The following LUZP2 variants were observed in gnomAD, a reference collection of about 807,000 sequenced individuals.
LUZP2 encodes leucine zipper protein 2.
Under a neutral mutation model 51.6 loss-of-function variants are expected in LUZP2, and 52 were observed. That is an observed-to-expected ratio of 1.01 (90% CI 0.81 to 1.27). The LOEUF (loss-of-function observed/expected upper bound fraction) is 1.27, where lower values mean the gene tolerates loss of function less well. Among genes scored for constraint, LUZP2 ranks in the 50% most tolerant of loss-of-function variants. The pLI is 0.00. For synonymous variants in LUZP2, 154 were observed against 137.3 expected (o/e 1.12, Z -0.85); for missense variants, 436 against 395.4 (o/e 1.10, Z -0.87).
intron 7 of LUZP2, among the ~76,000 whole-genome samples, chr11:24,967,291 C>T (rs1177159648): frequency 1.3e-5 from 2 of 151,838 alleles, no homozygotes; most frequent in Non-Finnish European, 2.9e-5. Flanking sequence ...GGAGACCAGA[C>T]ATTATAAGAA....
At chr11:24,898,311 G>A (rs1351744793) in intron 5 of LUZP2, among the ~76,000 whole-genome samples, 1 of 152,042 alleles carries the variant, frequency 6.6e-6, no homozygotes, top group Non-Finnish European at 1.5e-5. Flanking sequence ...TGGCCAAATA[G>A]CAGTAACATC....
intron 1 of LUZP2, among the ~76,000 whole-genome samples, chr11:24,659,483 A>C (rs551950394): frequency 1.3e-5 from 2 of 152,184 alleles, no homozygotes; most frequent in South Asian, 4.2e-4. Flanking sequence ...TGACGAGTTA[A>C]TGCGTGCAGC....
chr11:24,751,782 C>T (rs1859598446), intron 4 of LUZP2, among the ~76,000 whole-genome samples: 1 of 150,642 alleles, frequency 6.6e-6, no homozygotes. Flanking sequence ...AAAAGAAACA[C>T]TACACATTGC....
intron 5 of LUZP2, among the ~76,000 whole-genome samples, chr11:24,776,622 T>A (rs541460423): frequency 6.6e-6 from 1 of 152,288 alleles, no homozygotes; most frequent in Non-Finnish European, 1.5e-5. Context: ...TCATATGTGA[T>A]GTATTCACAT....
At chr11:24,554,381 A>T (rs1851807097) in intron 1 of LUZP2, among the ~76,000 whole-genome samples, 1 of 152,180 alleles carries the variant, frequency 6.6e-6, no homozygotes, top group Non-Finnish European at 1.5e-5. Flanking sequence ...ATTAGTTTTC[A>T]TATTTATACA....
chr11:24,683,032 G>A (rs1477328807), intron 1 of LUZP2, among the ~76,000 whole-genome samples: 1 of 152,106 alleles, frequency 6.6e-6, no homozygotes, highest in African/African-American at 2.4e-5. Flanking sequence ...AGCCAAATAT[G>A]TGCTCTCATT....
intron 5 of LUZP2, among the ~76,000 whole-genome samples, chr11:24,794,408 C>G (rs1393201612): frequency 6.6e-6 from 1 of 152,100 alleles, no homozygotes; most frequent in African/African-American, 2.4e-5. Context: ...TACTCCTAAT[C>G]CTGATGGTGT....
At position 24,807,024 on chromosome 11, in the gene LUZP2, C is replaced by CAAAAAAAAAAAAAAAAAA. The variant is rs34565471; in HGVS notation, c.396+43718_396+43735dup. 2.7e-5 allele frequency among the ~76,000 whole-genome samples: 3 copies of CAAAAAAAAAAAAAAAAAA among 110,292 alleles called. 1 individual carries two copies. Among genetic ancestry groups the CAAAAAAAAAAAAAAAAAA allele is most frequent in the Non-Finnish European group, 3.5e-5 (2 of 56,704 alleles). 72.4% of individuals were successfully genotyped at this position (110,292 alleles called of 152,430 possible). ...TTACTATCCCTCAAAGAAAATCCAC[C>CAAAAAAAAAAAAAAAAAA]AAAAAAAAAAAAAAAAAAAGGAGAG... On this transcript the variant is annotated intron_variant, in intron 5 of 11. Transcript: ENST00000336930.
intron 1 of LUZP2, among the ~76,000 whole-genome samples, chr11:24,563,388 T>C (rs1468708151): frequency 6.6e-6 from 1 of 152,232 alleles, no homozygotes; most frequent in Non-Finnish European, 1.5e-5. Flanking sequence ...AATTGATTAT[T>C]ACTATTTGCA....
chr11:24,602,174 A>T (rs1197497630), intron 1 of LUZP2, among the ~76,000 whole-genome samples: 1 of 132,046 alleles, frequency 7.6e-6, no homozygotes, highest in African/African-American at 2.8e-5. Flanking sequence ...ATGTGTATAT[A>T]TATGTGTATA....
At chr11:24,984,539 T>TATATATATATATATATATATAC (rs1856134033) in intron 9 of LUZP2, among the ~76,000 whole-genome samples, 1 of 93,894 alleles carries the variant, frequency 1.1e-5, no homozygotes, top group African/African-American at 4.9e-5. Context: ...TATATATATA[T>TATATATATATATATATATATAC]ATATATATAT....
intron 9 of LUZP2, among the ~76,000 whole-genome samples, chr11:25,007,965 C>T (rs1431462764): frequency 6.6e-6 from 1 of 152,118 alleles, no homozygotes; most frequent in Non-Finnish European, 1.5e-5. Flanking sequence ...TTTTGAATAT[C>T]CATTGATGCT....
chr11:25,056,015 A>G (rs931950386), intron 10 of LUZP2, among the ~76,000 whole-genome samples: 8 of 152,098 alleles, frequency 5.3e-5, no homozygotes, highest in African/African-American at 1.9e-4. Flanking sequence ...CTCACAAAAA[A>G]CCTCAATAAG....
chr11:25,074,478 T>C (rs1859242353), intron 10 of LUZP2, among the ~76,000 whole-genome samples: 1 of 152,150 alleles, frequency 6.6e-6, no homozygotes, highest in Non-Finnish European at 1.5e-5. Context: ...AATGTTGAAA[T>C]GTAGTAAGTT....
chr11:24,822,419 T>G (rs1486944295), intron 5 of LUZP2, among the ~76,000 whole-genome samples: 1 of 152,116 alleles, frequency 6.6e-6, no homozygotes, highest in East Asian at 1.9e-4. Context: ...CGTATTCTCA[T>G]CACTAGTGTG....
At chr11:24,915,543 T>A (rs1443905074) in intron 7 of LUZP2, among the ~76,000 whole-genome samples, 1 of 152,068 alleles carries the variant, frequency 6.6e-6, no homozygotes, top group Non-Finnish European at 1.5e-5. Flanking sequence ...ACCTTAGCAT[T>A]TTTAGCAATT....
At chr11:24,853,921 C>G (rs922701213) in intron 5 of LUZP2, among the ~76,000 whole-genome samples, 8 of 152,118 alleles carry the variant, frequency 5.3e-5, no homozygotes, top group African/African-American at 1.7e-4. Flanking sequence ...CGCTCCAGAG[C>G]CTTTTTGCCT....
intron 9 of LUZP2, among the ~76,000 whole-genome samples, chr11:25,035,297 C>T (rs935796643): frequency 6.6e-6 from 1 of 151,978 alleles, no homozygotes; most frequent in Non-Finnish European, 1.5e-5. Flanking sequence ...ATAAAAAAAA[C>T]TTCCAAAAGG....
chr11:25,071,923 G>C (rs1453536117), intron 10 of LUZP2, among the ~76,000 whole-genome samples: 1 of 151,872 alleles, frequency 6.6e-6, no homozygotes, highest in Non-Finnish European at 1.5e-5. Context: ...AAATGTAACT[G>C]GTTTTAGGCA....
Sources: allele counts gnomAD v4.1 joint callset (sites outside exome capture counted in the v4.1 genomes callset), GRCh38; gene constraint gnomAD v4.1.1; transcripts MANE v1.5; gene names NCBI Gene and HGNC (gene_info 2026-07-23, HGNC 2026-07-21).